PTPRM: variants seen among roughly 807,000 people sequenced by gnomAD.
PTPRM encodes the protein receptor-type tyrosine-protein phosphatase mu.
PTPRM carries 47 observed loss-of-function variants against 186.7 expected under a neutral mutation model. The observed-to-expected ratio is 0.25, with a 90% CI of 0.20 to 0.32. PTPRM has a LOEUF of 0.32. Ranked by LOEUF, PTPRM falls within the 10% of genes least tolerant of loss-of-function variation. The pLI, the probability that PTPRM is intolerant of heterozygous loss-of-function variation, is 1.00. For synonymous variants in PTPRM, 668 were observed against 674.9 expected (o/e 0.99, Z 0.16); for missense variants, 1,494 against 1,865.0 (o/e 0.80, Z 3.66).
chr18:8,356,214 A>C (rs928624001), intron 23 of PTPRM, among the ~76,000 whole-genome samples: 1 of 80,632 alleles, frequency 1.2e-5, no homozygotes, highest in African/African-American at 4.2e-5. Flanking sequence ...ACAGAAGCTT[A>C]GCTCTGCAGG....
chr18:8,111,296 G>A (rs914168583), intron 11 of PTPRM, among the ~76,000 whole-genome samples: 2 of 152,120 alleles, frequency 1.3e-5, no homozygotes, highest in East Asian at 3.9e-4. Context: ...CTGGAAAAAC[G>A]ATTTGAAGGA....
At chr18:8,027,749 A>G (rs2085659499) in intron 7 of PTPRM, among the ~76,000 whole-genome samples, 1 of 152,196 alleles carries the variant, frequency 6.6e-6, no homozygotes, top group Non-Finnish European at 1.5e-5. Flanking sequence ...AAAAACTATC[A>G]ATTTACTGCA....
chr18:7,735,594 A>G (rs539916498), intron 1 of PTPRM, among the ~76,000 whole-genome samples: 1 of 148,624 alleles, frequency 6.7e-6, no homozygotes, highest in East Asian at 2.1e-4. Context: ...TAAAAAATAT[A>G]CCTAAAAAAT....
chr18:8,230,358 A>C (rs1336040992), intron 14 of PTPRM, among the ~76,000 whole-genome samples: 1 of 152,258 alleles, frequency 6.6e-6, no homozygotes, highest in Non-Finnish European at 1.5e-5. Context: ...TTAGAAGAAC[A>C]CTTTCACCTC....
intron 19 of PTPRM, among the ~76,000 whole-genome samples, chr18:8,287,165 A>G (rs1425272906): frequency 6.6e-6 from 1 of 152,224 alleles, no homozygotes; most frequent in Non-Finnish European, 1.5e-5. Context: ...ATATAGAGTC[A>G]GTGAAGGAAA....
intron 11 of PTPRM, among the ~76,000 whole-genome samples, chr18:8,092,887 G>T (rs535426828): frequency 7.9e-5 from 12 of 152,256 alleles, no homozygotes; most frequent in Non-Finnish European, 1.5e-4. Flanking sequence ...CCTAGGCATG[G>T]TTGTGTGTGC....
chr18:8,387,747 T>TGC lies in PTPRM; in HGVS notation c.4208+514_4208+515dup, dbSNP rs1598555817. Among the ~76,000 whole-genome samples the TGC allele has an allele frequency of 1.0e-4, 10 of 95,430 alleles. No individual in the cohort carries two copies. In the East Asian group the frequency reaches 1.3e-3, roughly 13 times the overall value. The allele number at this position is 95,430 out of a possible 152,430, so 62.6% of individuals were successfully genotyped here. On this transcript the variant is annotated intron_variant, in intron 31 of 32. Coordinates refer to ENST00000580170, the MANE Select transcript of PTPRM (RefSeq NM_001105244.2). Reference sequence around the variant, plus strand: ...TCAAAGGACCTGGAGTGTGTGTGTGTGCGTGTGTGCGTGTGTGTGCGCGCG... The same window carrying TGC: ...TCAAAGGACCTGGAGTGTGTGTGTGTGCGCGTGTGTGCGTGTGTGTGCGCGCG...
At chr18:8,200,919 A>C (rs2093846735) in intron 14 of PTPRM, among the ~76,000 whole-genome samples, 1 of 152,238 alleles carries the variant, frequency 6.6e-6, no homozygotes. Flanking sequence ...TATAATGTTC[A>C]ATAATTTAAT....
chr18:7,851,775 A>T (rs1388940794), intron 2 of PTPRM, among the ~76,000 whole-genome samples: 2 of 152,186 alleles, frequency 1.3e-5, no homozygotes, highest in Non-Finnish European at 2.9e-5. Flanking sequence ...GGTGGCAAGG[A>T]GTATTGCTGG....
Position 8,359,751 on chromosome 18 carries a change from C to A in PTPRM, c.3055-11139C>A, listed in dbSNP as rs554719362. On this transcript the variant is annotated intron_variant, in intron 23 of 32. Coordinates refer to ENST00000580170, the MANE Select transcript of PTPRM (RefSeq NM_001105244.2). ...GCACATTCCTACCTGCTCGGGTGTG[C>A]ACAGCTGGAGTTTCCCGGCACCATC... Among the ~76,000 whole-genome samples, 5 of 152,344 alleles carry A rather than the reference C, an allele frequency of 3.3e-5. No homozygotes were observed. In the South Asian group the frequency reaches 1.0e-3, roughly 32 times the overall value.
At chr18:7,886,106 G>A (rs956102025) in intron 2 of PTPRM, among the ~76,000 whole-genome samples, 32 of 152,204 alleles carry the variant, frequency 2.1e-4, no homozygotes, top group African/African-American at 7.5e-4. Context: ...TCAAGAACAT[G>A]TCATGCCTCA....
chr18:7,966,425 G>C (rs1053432343), intron 7 of PTPRM, among the ~76,000 whole-genome samples: 1 of 152,160 alleles, frequency 6.6e-6, no homozygotes, highest in Non-Finnish European at 1.5e-5. Flanking sequence ...TTTATAGTCA[G>C]CATTGAAACC....
intron 1 of PTPRM, among the ~76,000 whole-genome samples, chr18:7,589,056 C>T (rs985593786): frequency 1.3e-5 from 2 of 152,156 alleles, no homozygotes; most frequent in Admixed American, 6.5e-5. Flanking sequence ...CTGTGTTCTC[C>T]AGGCTGGTCT....
At chr18:7,912,607 G>A (rs1444373450) in intron 4 of PTPRM, among the ~76,000 whole-genome samples, 2 of 151,890 alleles carry the variant, frequency 1.3e-5, no homozygotes, top group Non-Finnish European at 2.9e-5. Context: ...CGCCTACCGG[G>A]TTCATGCCAT....
At chr18:7,974,023 A>C (rs951795748) in intron 7 of PTPRM, among the ~76,000 whole-genome samples, 6 of 151,060 alleles carry the variant, frequency 4.0e-5, no homozygotes, top group Admixed American at 4.0e-4. Flanking sequence ...TTCTGGGGAC[A>C]GTTCCTTTGC....
chr18:8,094,112 A>G (rs907496325), intron 11 of PTPRM, among the ~76,000 whole-genome samples: 2 of 152,216 alleles, frequency 1.3e-5, no homozygotes, highest in African/African-American at 4.8e-5. Context: ...TATTCAAAAA[A>G]GTTTATCCCT....
At chr18:7,764,461 T>G (rs1478807415) in intron 1 of PTPRM, among the ~76,000 whole-genome samples, 1 of 152,198 alleles carries the variant, frequency 6.6e-6, no homozygotes, top group Non-Finnish European at 1.5e-5. Flanking sequence ...TCTGGGTCAA[T>G]GATTAGATTA....
intron 7 of PTPRM, among the ~76,000 whole-genome samples, chr18:7,969,260 G>A (rs1234952440): frequency 1.0e-4 from 14 of 137,712 alleles, no homozygotes; most frequent in Middle Eastern, 7.0e-3. Context: ...TGAAACCAAC[G>A]AGAACAAAGA....
chr18:7,791,116 T>G (rs1319981728), intron 2 of PTPRM, among the ~76,000 whole-genome samples: 1 of 152,212 alleles, frequency 6.6e-6, no homozygotes, highest in Admixed American at 6.5e-5. Flanking sequence ...TGTAAGACAT[T>G]TTTACTTACC....
Sources: allele counts gnomAD v4.1 joint callset (sites outside exome capture counted in the v4.1 genomes callset), GRCh38; gene constraint gnomAD v4.1.1; transcripts MANE v1.5; gene names NCBI Gene and HGNC (gene_info 2026-07-23, HGNC 2026-07-21).